The following TET3 variants were observed in gnomAD, a reference collection of about 807,000 sequenced individuals.
TET3 encodes the protein methylcytosine dioxygenase TET3.
Under a neutral mutation model 141.4 loss-of-function variants are expected in TET3, and 19 were observed. That is an observed-to-expected ratio of 0.13 (90% CI 0.09 to 0.20). The LOEUF is 0.20. Ranked by LOEUF, TET3 falls within the 10% of genes least tolerant of loss-of-function variation. TET3 has a pLI of 1.00. For missense variants in TET3, 1,874 were observed against 2,356.9 expected, an observed-to-expected ratio of 0.80 and a Z score of 4.24; for synonymous variants, 1,043 against 980.9, an observed-to-expected ratio of 1.06 and a Z score of -1.18.
At chr2:74,117,030 G>T in the TET3 span, among the ~76,000 whole-genome samples, 1 of 152,132 alleles carries the variant, frequency 6.6e-6, no homozygotes, top group Admixed American at 6.5e-5. Context: ...CGGGGAGATG[G>T]GCAAGGGGTA....
chr2:74,003,700 G>A (rs1684998755), intron 3 of TET3, among the ~76,000 whole-genome samples: 1 of 151,816 alleles, frequency 6.6e-6, no homozygotes, highest in African/African-American at 2.4e-5. Context: ...ATTTTGGGTA[G>A]GGTGGGGGCT....
chr2:74,107,051 C>G lies in TET3; in HGVS notation c.*4875C>G, dbSNP rs1361168828. 6.6e-6 allele frequency: 1 copy of G among 152,274 alleles called. No individual in the cohort carries two copies. Among genetic ancestry groups the G allele is most frequent in the Non-Finnish European group, 1.5e-5 (1 of 68,046 alleles). The allele number at this position is 152,274 out of a possible 1,614,324, so 9.4% of individuals were successfully genotyped here. ...CTCCCTCAAAACCTAGTTTTATTAG[C>G]CAGCTGCCTCTGCTGTAGTACATGG... is the stretch of plus-strand genomic sequence containing the variant. On this transcript the variant is annotated 3_prime_UTR_variant, in exon 12 of 12. Transcript: ENST00000409262.
intron 3 of TET3, among the ~76,000 whole-genome samples, chr2:74,019,254 C>G (rs1313925268): frequency 2.6e-5 from 4 of 152,212 alleles, no homozygotes; most frequent in Non-Finnish European, 5.9e-5. Context: ...GAGACTCTGT[C>G]TCTAATAAAA....
chr2:74,057,098 G>A (rs911033506), intron 4 of TET3, among the ~76,000 whole-genome samples: 11 of 152,164 alleles, frequency 7.2e-5, no homozygotes, highest in Non-Finnish European at 1.0e-4. Context: ...TATCCTAAGA[G>A]CTGGCTTTGT....
intron 2 of TET3, among the ~76,000 whole-genome samples, chr2:73,986,910 A>G (rs531037530): frequency 4.1e-4 from 63 of 152,056 alleles, no homozygotes; most frequent in African/African-American, 1.4e-3. Context: ...TAGAAGGGGG[A>G]TCTGAGCTAG....
At chr2:74,061,499 G>A (rs1264659447) in intron 4 of TET3, among the ~76,000 whole-genome samples, 25 of 148,452 alleles carry the variant, frequency 1.7e-4, no homozygotes, top group African/African-American at 3.2e-4. Flanking sequence ...CGGACGGGGC[G>A]GCTGGCTGGG....
chr2:74,132,402 G>A, the TET3 span, among the ~76,000 whole-genome samples: 2 of 152,148 alleles, frequency 1.3e-5, no homozygotes, highest in African/African-American at 4.8e-5. Context: ...TCTTCCCACG[G>A]CCTGAACAGG....
downstream of TET3, among the ~76,000 whole-genome samples, chr2:74,112,625 G>A (rs1344706442): frequency 6.6e-6 from 1 of 152,056 alleles, no homozygotes; most frequent in African/African-American, 2.4e-5. Flanking sequence ...CAAATATTAA[G>A]AACTCAAAGA....
chr2:74,077,305 G>T (rs1299002184), intron 5 of TET3, among the ~76,000 whole-genome samples: 2 of 152,236 alleles, frequency 1.3e-5, no homozygotes, highest in Non-Finnish European at 2.9e-5. Context: ...TTCTGACCCA[G>T]CAGGTCTGGA....
At chr2:74,045,256 C>G (rs1463839116) in intron 3 of TET3, among the ~76,000 whole-genome samples, 3 of 152,192 alleles carry the variant, frequency 2.0e-5, no homozygotes, top group Non-Finnish European at 4.4e-5. Flanking sequence ...GTCTGTCTAC[C>G]AGATCTCTCC....
rs1685083316 is a variant in TET3, at chr2:74,005,100, C to G, written c.360+1934C>G. Among the ~76,000 whole-genome samples, 4 of 152,216 alleles carry G rather than the reference C, an allele frequency of 2.6e-5. No homozygotes were observed. In the South Asian group the frequency reaches 8.3e-4, roughly 32 times the overall value. On this transcript the variant is annotated intron_variant, in intron 3 of 11. Coordinates refer to ENST00000409262, the MANE Select transcript of TET3 (RefSeq NM_001287491.2). The stretch of plus-strand genomic sequence containing the variant: ...CCTTCCGCTGTAGTGATGGCTCTCC[C>G]TGGCAGACCCGCTTCTCTTCAGCTC...
chr2:74,069,552 C>G (rs1406082894), intron 4 of TET3, among the ~76,000 whole-genome samples: 3 of 151,656 alleles, frequency 2.0e-5, no homozygotes, highest in African/African-American at 7.3e-5. Flanking sequence ...TAGACCACTT[C>G]TAGCCCCCCA....
At chr2:74,032,451 CTGTGTGTGTGTGTGTGTGT>C (rs1302716855) in intron 3 of TET3, among the ~76,000 whole-genome samples, 1 of 71,940 alleles carries the variant, frequency 1.4e-5, no homozygotes, top group Non-Finnish European at 2.4e-5. Flanking sequence ...GGGTGTGTCT[CTGTGTGTGTGTGTGTGTGT>C]GTGTGTGTGT....
chr2:74,053,120 C>A (rs1288249560), intron 4 of TET3, among the ~76,000 whole-genome samples: 2 of 152,116 alleles, frequency 1.3e-5, no homozygotes, highest in Non-Finnish European at 2.9e-5. Flanking sequence ...AAAGGAAATG[C>A]CATTCTCTAA....
At chr2:74,114,853 C>CAAAAAAAAAAAAAAAAAAAAAAAAAA in the TET3 span, among the ~76,000 whole-genome samples, 4 of 43,876 alleles carry the variant, frequency 9.1e-5, no homozygotes, top group African/African-American at 4.5e-4. Flanking sequence ...GACTCTGTCT[C>CAAAAAAAAAAAAAAAAAAAAAAAAAA]AAAAAAAAAA....
chr2:73,999,619 C>T (rs370159566), intron 2 of TET3, among the ~76,000 whole-genome samples: 35 of 149,750 alleles, frequency 2.3e-4, no homozygotes, highest in African/African-American at 8.6e-4. Flanking sequence ...AGGGCTGTGG[C>T]TCCATTCCTC....
chr2:74,108,514 T>C (rs1376531823), downstream of TET3, among the ~76,000 whole-genome samples: 1 of 152,204 alleles, frequency 6.6e-6, no homozygotes, highest in African/African-American at 2.4e-5. Flanking sequence ...ACTTCTGATG[T>C]TTGTTAGGTT....
Position 74,057,793 on chromosome 2 carries a change from T to C in TET3, c.2494+9382T>C, listed in dbSNP as rs553527312. 5.3e-5 allele frequency among the ~76,000 whole-genome samples: 8 copies of C among 152,344 alleles called. No individual in the cohort carries two copies. The South Asian group carries it at 6.2e-4, about 12-fold the overall frequency. The stretch of plus-strand genomic sequence containing the variant: ...GAGATCAGCTTCTCCTGTGAGAAGA[T>C]TGATTAACAAATAAACAAAATCAAC... On this transcript the variant is annotated intron_variant, in intron 4 of 11. Coordinates refer to ENST00000409262, the MANE Select transcript of TET3 (RefSeq NM_001287491.2).
At chr2:74,128,965 C>G in the TET3 span, among the ~76,000 whole-genome samples, 1 of 123,840 alleles carries the variant, frequency 8.1e-6, no homozygotes, top group Non-Finnish European at 1.6e-5. Context: ...GCACTTCAGA[C>G]TGGTTGACAG....
Sources: gnomAD v4.1 joint callset for allele counts (sites outside exome capture counted in the v4.1 genomes callset) on GRCh38, gnomAD v4.1.1 for gene constraint, MANE v1.5 for transcripts, NCBI Gene and HGNC (gene_info 2026-07-23, HGNC 2026-07-21) for gene names.